The following SPTA1 variants were observed in gnomAD, a reference collection of about 807,000 sequenced individuals.
The protein encoded by SPTA1 is spectrin alpha chain, erythrocytic 1.
In SPTA1, 177 loss-of-function variants were observed where a neutral mutation model predicts 324.7. The observed-to-expected ratio is 0.55, with a 90% CI of 0.48 to 0.62. SPTA1 has a LOEUF of 0.62. Ranked by LOEUF, SPTA1 falls within the 20% of genes least tolerant of loss-of-function variation. The pLI is 0.00. For synonymous variants in SPTA1, 1,195 were observed against 1,041.3 expected, an observed-to-expected ratio of 1.15 and a Z score of -2.84; for missense variants, 3,162 against 2,883.6, an observed-to-expected ratio of 1.10 and a Z score of -2.21.
intron 14 of SPTA1, among the ~76,000 whole-genome samples, chr1:158,668,601 T>G (rs1225409648): frequency 6.6e-6 from 1 of 152,164 alleles, no homozygotes; most frequent in Non-Finnish European, 1.5e-5. Flanking sequence ...ATAAACACTT[T>G]CAATAGATAC....
chr1:158,620,170 C>G lies in SPTA1; in HGVS notation c.6417G>C (p.Glu2139Asp), dbSNP rs752114200. 1.2e-6 allele frequency: 2 copies of G among 1,614,034 alleles called. No homozygotes were observed. Among genetic ancestry groups the G allele is most frequent in the Non-Finnish European group, 8.5e-7 (1 of 1,180,000 alleles). Residue 2139 changes from glutamate to aspartate, a missense_variant and splice_region_variant, in exon 44 of 52, where the codon GAG (glutamate) becomes GAC (aspartate). Transcript: ENST00000643759. ...AAGTTTCTGCCGTGTTCCAGGTTACCTCAATGATGTCAGATAGGTGCTTCC... is the reference window on the plus strand; with the variant it reads ...AAGTTTCTGCCGTGTTCCAGGTTACGTCAATGATGTCAGATAGGTGCTTCC... ...RTWKHLSDII[E>D]EREQELQKEE...
At position 158,648,501 on chromosome 1, in the gene SPTA1, T is replaced by C. The variant is rs765948957; in HGVS notation, c.3714+8A>G. On this transcript the variant is annotated splice_region_variant and intron_variant, in intron 26 of 51. Coordinates refer to ENST00000643759, the MANE Select transcript of SPTA1 (RefSeq NM_003126.4). ...AGTGTTGGAAAAGCTTTGAAGGACTTGTCTCACCTTATCTCCCAGGGGTAC... is the reference window on the plus strand; with the variant it reads ...AGTGTTGGAAAAGCTTTGAAGGACTCGTCTCACCTTATCTCCCAGGGGTAC... 6.2e-7 allele frequency: 1 copy of C among 1,613,748 alleles called. No homozygotes were observed. The highest frequency in any genetic ancestry group is 8.5e-7 in the Non-Finnish European group (1 of 1,179,834).
intron 16 of SPTA1, among the ~76,000 whole-genome samples, chr1:158,663,666 C>T (rs5011464): frequency 0.13 from 20,461 of 151,922 alleles, 4,617 homozygotes; most frequent in African/African-American, 0.47. Context: ...TTTTATTTGC[C>T]TTTTTTTCTC....
intron 33 of SPTA1, among the ~76,000 whole-genome samples, chr1:158,641,077 A>C (rs1240796711): frequency 6.6e-6 from 1 of 152,120 alleles, no homozygotes; most frequent in Non-Finnish European, 1.5e-5. Flanking sequence ...CCTATTTAAT[A>C]AATGGTGCTG....
intron 36 of SPTA1, among the ~76,000 whole-genome samples, chr1:158,637,523 T>C (rs1274425614): frequency 2.6e-5 from 4 of 152,068 alleles, no homozygotes; most frequent in Admixed American, 6.6e-5. Context: ...ATATTCTCTA[T>C]TGAGTGTCCA....
chr1:158,680,913 A>T (rs1654760836), intron 4 of SPTA1, among the ~76,000 whole-genome samples, 184 bp from the exon 5 acceptor site: 1 of 152,142 alleles, frequency 6.6e-6, no homozygotes, highest in Non-Finnish European at 1.5e-5. Context: ...ACCTTGGCAC[A>T]AGGGAAAGTG....
intron 43 of SPTA1, chr1:158,620,845 A>C (rs1162948278): frequency 5.9e-6 from 1 of 169,206 alleles, no homozygotes; most frequent in African/African-American, 2.4e-5. Context: ...AACATGAAAA[A>C]AAAAAAAAAA....
In SPTA1 at chr1:158,644,320, C is replaced by G. The variant is rs1352877756; in HGVS notation, c.4271G>C (p.Ser1424Thr). 9 of 1,613,814 alleles carry G rather than the reference C, an allele frequency of 5.6e-6. No homozygotes were observed. Among genetic ancestry groups the G allele is most frequent in the Non-Finnish European group, 7.6e-6 (9 of 1,179,912 alleles). Residue 1424 changes from serine to threonine, a missense_variant, in exon 30 of 52, where the codon AGT becomes ACT. Coordinates refer to ENST00000643759, the MANE Select transcript of SPTA1 (RefSeq NM_003126.4). The stretch of plus-strand genomic sequence containing the variant: ...CAAAGCCTCCAGACTGTCTAAGGAA[C>G]TTTTGTCATCTGACCTCAGGGAATT... ...RENSLRSDDK[S>T]SLDSLEALMK...
chr1:158,642,166 G>C (rs111812944), intron 33 of SPTA1, among the ~76,000 whole-genome samples: 2 of 152,026 alleles, frequency 1.3e-5, no homozygotes, highest in Admixed American at 1.3e-4. Context: ...TTGTGGGGTG[G>C]GGGGAGGAGG....
rs1649820211 is a variant in SPTA1, at chr1:158,620,251, T to C, written c.6336A>G (p.Leu2112=). ...AGGTATAAGGGCTGGAAGGCACACC[T>C]AAGGCCTTAATCTGCTGGTCTAGCT... ...LLELDQQIKA[L]GVPSSPYTWL... Residue 2112 remains leucine, a synonymous_variant, in exon 44 of 52, where the codon TTA becomes TTG. Coordinates refer to ENST00000643759, the MANE Select transcript of SPTA1 (RefSeq NM_003126.4). 2 of 1,614,016 alleles carry C rather than the reference T, an allele frequency of 1.2e-6. No individual in the cohort carries two copies. The highest frequency in any genetic ancestry group is 2.7e-5 in the African/African-American group (2 of 74,918).
intron 39 of SPTA1, among the ~76,000 whole-genome samples, chr1:158,628,971 C>T (rs1055257474): frequency 6.6e-6 from 1 of 151,968 alleles, no homozygotes; most frequent in Non-Finnish European, 1.5e-5. Context: ...GACCAGATGG[C>T]TTCACTGATG....
chr1:158,674,316 T>C lies in SPTA1; in HGVS notation c.1350+13A>G, dbSNP rs746352918. ...ATAATTGGAATTTGACAAACTCTGT[T>C]AAACTAGATTACCTTTTCCCGAACT... On this transcript the variant is annotated intron_variant, in intron 10 of 51. Coordinates refer to ENST00000643759, the MANE Select transcript of SPTA1 (RefSeq NM_003126.4). 1.1e-4 allele frequency: 172 copies of C among 1,612,842 alleles called. No homozygotes were observed. The highest frequency in any genetic ancestry group is 3.3e-4 in the Middle Eastern group (2 of 6,074).
At chr1:158,642,652 C>A in intron 32 of SPTA1, 110 bp from the exon 33 acceptor site, 3 of 1,571,190 alleles carry the variant, frequency 1.9e-6, no homozygotes, top group Non-Finnish European at 2.6e-6. Flanking sequence ...ACTGAGGTGA[C>A]GGTGACTTCT....
intron 39 of SPTA1, among the ~76,000 whole-genome samples, chr1:158,630,118 T>A (rs1650574657): frequency 6.6e-6 from 1 of 151,956 alleles, no homozygotes; most frequent in Non-Finnish European, 1.5e-5. Flanking sequence ...AAAATCCCAA[T>A]GACATTTTTT....
intron 42 of SPTA1, among the ~76,000 whole-genome samples, chr1:158,623,897 C>T (rs1650088841): frequency 6.6e-6 from 1 of 152,196 alleles, no homozygotes; most frequent in Non-Finnish European, 1.5e-5. Flanking sequence ...GGGCCCAGGG[C>T]TCCCTGATTT....
At chr1:158,663,097 G>A (rs1005444481) in intron 16 of SPTA1, 152 bp from the exon 17 acceptor site, 26 of 1,116,208 alleles carry the variant, frequency 2.3e-5, no homozygotes, top group African/African-American at 3.1e-5. Flanking sequence ...GGAGTTGGAA[G>A]GGTTGCTACA....
chr1:158,622,887 G>T, intron 43 of SPTA1, 96 bp downstream of exon 43: 1 of 1,102,980 alleles, frequency 9.1e-7, no homozygotes, highest in Non-Finnish European at 1.4e-6. Context: ...AAAGGTTTTT[G>T]TATTATCCAA....
intron 39 of SPTA1, among the ~76,000 whole-genome samples, chr1:158,631,730 A>G (rs893243981): frequency 4.6e-5 from 7 of 152,182 alleles, no homozygotes; most frequent in Non-Finnish European, 8.8e-5. Flanking sequence ...GGAAAATGCA[A>G]ATTAAACCAT....
Position 158,661,363 on chromosome 1 carries a change from G to A in SPTA1, c.2511C>T (p.Val837=). ...CATGGCTGGCAATGTTCTCCAGGAT[G>A]ACTCTATGCCTATTCAGAAGCTTTT... ...ASKKLLNRHR[V]ILENIASHEP... is the part of the protein sequence containing the mutation. Residue 837 remains valine (V), a synonymous_variant, in exon 18 of 52, where the codon GTC becomes GTT. Coordinates refer to ENST00000643759, the MANE Select transcript of SPTA1 (RefSeq NM_003126.4). 1 of 1,613,870 alleles carries A rather than the reference G, an allele frequency of 6.2e-7. No individual in the cohort carries two copies. The highest frequency in any genetic ancestry group is 8.5e-7 in the Non-Finnish European group (1 of 1,179,862).
Sources: allele counts gnomAD v4.1 joint callset (sites outside exome capture counted in the v4.1 genomes callset), GRCh38; gene constraint gnomAD v4.1.1; transcripts MANE v1.5; gene names NCBI Gene and HGNC (gene_info 2026-07-23, HGNC 2026-07-21).